CFAP300: variants seen among roughly 807,000 people sequenced by gnomAD.
CFAP300 encodes cilia and flagella associated protein 300.
Under a neutral mutation model 33.0 loss-of-function variants are expected in CFAP300, and 32 were observed. The observed-to-expected ratio is 0.97, with a 90% CI of 0.73 to 1.30. The LOEUF (loss-of-function observed/expected upper bound fraction) is 1.30, where lower values mean the gene tolerates loss of function less well. Ranked by LOEUF, CFAP300 falls within the 50% of genes most tolerant of loss-of-function variation. The pLI is 0.00. For synonymous variants in CFAP300, 102 were observed against 106.8 expected (o/e 0.95, Z 0.28); for missense variants, 356 against 318.1 (o/e 1.12, Z -0.90).
chr11:102,075,450 A>G (rs1316923369), intron 4 of CFAP300, among the ~76,000 whole-genome samples: 1 of 152,216 alleles, frequency 6.6e-6, no homozygotes, highest in East Asian at 1.9e-4. Flanking sequence ...TCCAAAATCC[A>G]TAAGAGGAGA....
intron 3 of CFAP300, among the ~76,000 whole-genome samples, chr11:102,063,768 A>G (rs1591319802): frequency 1.3e-5 from 2 of 152,306 alleles, no homozygotes; most frequent in East Asian, 1.9e-4. Context: ...ACAATGAGCC[A>G]TGATCACATC....
intron 2 of CFAP300, among the ~76,000 whole-genome samples, chr11:102,051,095 C>T (rs1015333278): frequency 1.3e-5 from 2 of 152,102 alleles, no homozygotes; most frequent in South Asian, 4.2e-4. Flanking sequence ...AGGATGACTC[C>T]CAAGTTTCTG....
At chr11:102,063,160 A>G (rs1363363802) in intron 3 of CFAP300, among the ~76,000 whole-genome samples, 1 of 152,218 alleles carries the variant, frequency 6.6e-6, no homozygotes, top group Admixed American at 6.5e-5. Flanking sequence ...GGCCACCCGG[A>G]GCCTTCAGGG....
At chr11:102,066,979 G>C (rs1447916683) in intron 4 of CFAP300, among the ~76,000 whole-genome samples, 1 of 152,228 alleles carries the variant, frequency 6.6e-6, no homozygotes, top group Non-Finnish European at 1.5e-5. Flanking sequence ...AAGCAGGAAA[G>C]TCCTGGCCTA....
intron 2 of CFAP300, among the ~76,000 whole-genome samples, chr11:102,052,711 T>TC (rs1377928391): frequency 6.6e-6 from 1 of 152,154 alleles, no homozygotes; most frequent in East Asian, 1.9e-4. Flanking sequence ...ATCTTCCTTC[T>TC]CCATTTGTTT....
In CFAP300 at chr11:102,072,779, C is replaced by CT. The variant is rs570504045; in HGVS notation, c.436-3088dup. Among the ~76,000 whole-genome samples, 60 of 152,074 alleles carry CT rather than the reference C, an allele frequency of 3.9e-4. No homozygotes were observed. In the South Asian group the frequency reaches 0.012, roughly 30 times the overall value. ...CACTTCTTTGAATTTATTGGATTGG[C>CT]TTTTTTAGGAGAAGACTTTTTCCCG... On this transcript the variant is annotated intron_variant, in intron 4 of 6. Coordinates refer to ENST00000434758, the MANE Select transcript of CFAP300 (RefSeq NM_032930.3).
intron 5 of CFAP300, among the ~76,000 whole-genome samples, chr11:102,079,186 T>C (rs2135050834): frequency 6.6e-6 from 1 of 152,338 alleles, no homozygotes; most frequent in Non-Finnish European, 1.5e-5. Context: ...ACATACAATT[T>C]GGTGAATCTT....
At chr11:102,080,630 C>A (rs1003978023) in intron 5 of CFAP300, among the ~76,000 whole-genome samples, 26 of 152,148 alleles carry the variant, frequency 1.7e-4, no homozygotes, top group African/African-American at 6.3e-4. Context: ...GAACTCCCGA[C>A]CTCAGGTGAT....
At position 102,076,060 on chromosome 11, in the gene CFAP300, T is replaced by A. The variant is rs1305121060; in HGVS notation, c.608+15T>A. ...GATCTGGTGAGGTAATGTTGCTAGA[T>A]CACAATATGTAAATCTCTAGTTAAT... On this transcript the variant is annotated intron_variant, in intron 5 of 6. Coordinates refer to ENST00000434758, the MANE Select transcript of CFAP300 (RefSeq NM_032930.3). 2 of 1,595,144 alleles carry A rather than the reference T, an allele frequency of 1.3e-6. No homozygotes were observed.
chr11:102,049,314 C>T (rs1337668070), intron 2 of CFAP300, among the ~76,000 whole-genome samples: 1 of 152,192 alleles, frequency 6.6e-6, no homozygotes, highest in Non-Finnish European at 1.5e-5. Context: ...GTCCCATAGC[C>T]TTTTCCCTTC....
chr11:102,065,948 A>ATTTCTGG (rs1403507496), intron 3 of CFAP300, among the ~76,000 whole-genome samples: 30 of 151,046 alleles, frequency 2.0e-4, no homozygotes, highest in African/African-American at 6.8e-4. Context: ...TCTAGTCCAG[A>ATTTCTGG]AATGGTGAGA....
chr11:102,078,973 G>A (rs1942437787), intron 5 of CFAP300, among the ~76,000 whole-genome samples: 2 of 152,152 alleles, frequency 1.3e-5, no homozygotes, highest in South Asian at 4.1e-4. Context: ...GCTACCCAAA[G>A]TGCTGGGATT....
rs933347963 is a variant in CFAP300, at chr11:102,072,677, G to A, written c.436-3196G>A. ...TTAAATCTGTTGCTAGAGAATTATT[G>A]TGTTCCTTTGGAGGTGTCATCTTTT... On this transcript the variant is annotated intron_variant, in intron 4 of 6. Transcript: ENST00000434758. Among the ~76,000 whole-genome samples the A allele has an allele frequency of 3.1e-4, 47 of 152,056 alleles. 1 individual carries two copies. Among genetic ancestry groups the A allele is most frequent in the Non-Finnish European group, 3.1e-4 (21 of 68,004 alleles).
chr11:102,050,448 T>C (rs1019431117), intron 2 of CFAP300, among the ~76,000 whole-genome samples: 6 of 152,348 alleles, frequency 3.9e-5, no homozygotes, highest in African/African-American at 1.4e-4. Context: ...GAATTTTCCC[T>C]TTCAATTTAA....
intron 4 of CFAP300, among the ~76,000 whole-genome samples, chr11:102,069,172 C>G (rs1942272104): frequency 6.6e-6 from 1 of 152,152 alleles, no homozygotes; most frequent in Admixed American, 6.5e-5. Flanking sequence ...TACTAGTTGC[C>G]TGTATGGCTT....
At chr11:102,074,475 T>C (rs570410882) in intron 4 of CFAP300, among the ~76,000 whole-genome samples, 2 of 152,342 alleles carry the variant, frequency 1.3e-5, no homozygotes, top group East Asian at 3.9e-4. Flanking sequence ...CACCTCTCTG[T>C]TGAATTCCAG....
intron 3 of CFAP300, among the ~76,000 whole-genome samples, chr11:102,061,282 T>A (rs991281251): frequency 3.3e-5 from 5 of 152,226 alleles, no homozygotes; most frequent in African/African-American, 1.2e-4. Context: ...TTACTTTTTC[T>A]TTTTCTGCTA....
chr11:102,050,981 C>T (rs2063315776), intron 2 of CFAP300, among the ~76,000 whole-genome samples: 1 of 152,062 alleles, frequency 6.6e-6, no homozygotes, highest in African/African-American at 2.4e-5. Context: ...AACTGTTGTC[C>T]TCTAGACAGT....
intron 2 of CFAP300, among the ~76,000 whole-genome samples, chr11:102,056,313 G>A (rs7930416): frequency 0.43 from 65,233 of 151,938 alleles, 14,230 homozygotes; most frequent in East Asian, 0.67. Context: ...TCCACTGGTG[G>A]TTTCAGAATC....
Sources: gnomAD v4.1 joint callset for allele counts (sites outside exome capture counted in the v4.1 genomes callset) on GRCh38, gnomAD v4.1.1 for gene constraint, MANE v1.5 for transcripts, NCBI Gene and HGNC (gene_info 2026-07-23, HGNC 2026-07-21) for gene names.